The following RGL1 variants were observed in gnomAD, a reference collection of about 807,000 sequenced individuals.
RGL1 encodes the protein ral guanine nucleotide dissociation stimulator-like 1.
In RGL1, 24 loss-of-function variants were observed where a neutral mutation model predicts 95.2. The ratio of observed to expected loss-of-function variants is 0.25; its 90% CI spans 0.18 to 0.35. The LOEUF is 0.35. Ranked by LOEUF, RGL1 falls within the 10% of genes least tolerant of loss-of-function variation. The pLI, the probability that RGL1 is intolerant of heterozygous loss-of-function variation, is 1.00. For missense variants in RGL1, 715 were observed against 936.3 expected (o/e 0.76, Z 3.08); for synonymous variants, 329 against 344.9 (o/e 0.95, Z 0.51).
intron 2 of RGL1, among the ~76,000 whole-genome samples, chr1:183,762,216 T>C (rs1373222748): frequency 1.3e-5 from 2 of 152,268 alleles, no homozygotes; most frequent in Non-Finnish European, 2.9e-5. Flanking sequence ...TTGGCCTGTC[T>C]CAGCTTTTGA....
intron 1 of RGL1, among the ~76,000 whole-genome samples, chr1:183,667,042 C>T (rs6667380): frequency 0.013 from 1,983 of 152,332 alleles, 53 homozygotes; most frequent in African/African-American, 0.046. Context: ...GGCACACACA[C>T]ATTAAGCATT....
At chr1:183,924,270 G>T (rs1669483842) in intron 17 of RGL1, among the ~76,000 whole-genome samples, 1 of 152,140 alleles carries the variant, frequency 6.6e-6, no homozygotes, top group Admixed American at 6.5e-5. Context: ...TATACACCAT[G>T]GAATACTATG....
rs200538237 is a variant in RGL1 at position 183,725,551 on chromosome 1, C to CA, written c.-32-16567dup. On this transcript the variant is annotated intron_variant, in intron 1 of 18. Coordinates refer to the RGL1 transcript ENST00000304685. ...AAGCTGTTTTAGTTATATTAATAGC[C>CA]AAAAAAAATAAGAACTATTACCAGG... 8.3e-3 allele frequency among the ~76,000 whole-genome samples: 1,249 copies of CA among 150,928 alleles called. 17 individuals carry two copies. The highest frequency in any genetic ancestry group is 0.028 in the African/African-American group (1,139 of 41,166).
intron 3 of RGL1, among the ~76,000 whole-genome samples, chr1:183,850,539 A>G (rs1664770754): frequency 6.6e-6 from 1 of 152,220 alleles, no homozygotes; most frequent in Non-Finnish European, 1.5e-5. Context: ...TTAATCTTCA[A>G]GAATACTCAC....
chr1:183,775,768 C>T (rs945713947), intron 2 of RGL1, among the ~76,000 whole-genome samples: 1 of 152,158 alleles, frequency 6.6e-6, no homozygotes, highest in Non-Finnish European at 1.5e-5. Context: ...GATATTATTT[C>T]CGTTTTTCTT....
At chr1:183,787,376 T>G (rs2102369122) in intron 2 of RGL1, among the ~76,000 whole-genome samples, 1 of 152,346 alleles carries the variant, frequency 6.6e-6, no homozygotes, top group Middle Eastern at 3.4e-3. Context: ...CAGCATTCAG[T>G]ACTTCTAAAG....
intron 1 of RGL1, among the ~76,000 whole-genome samples, chr1:183,666,925 C>T (rs1572248697): frequency 6.6e-6 from 1 of 152,084 alleles, no homozygotes; most frequent in East Asian, 1.9e-4. Flanking sequence ...CTGTATCTGC[C>T]CATTCTGATT....
intron 8 of RGL1, 127 bp from the exon 9 acceptor site, chr1:183,891,950 C>G: frequency 1.6e-6 from 1 of 643,268 alleles, no homozygotes. Flanking sequence ...TCTGTGCTTA[C>G]AGTACCCACC....
At chr1:183,802,065 T>C (rs1001936826), upstream of RGL1, among the ~76,000 whole-genome samples, 1 of 152,252 alleles carries the variant, frequency 6.6e-6, no homozygotes, top group South Asian at 2.1e-4. Context: ...TCAGGTCTTA[T>C]GTTTAAGTCT....
Position 183,668,935 on chromosome 1 carries a change from C to CTTTTTTTTTTTT in RGL1, c.-33+32438_-33+32439insTTTTTTTTTTTT, listed in dbSNP as rs551008973. Among the ~76,000 whole-genome samples the CTTTTTTTTTTTT allele has an allele frequency of 4.3e-5, 5 of 115,556 alleles. 2 individuals carry two copies. The highest frequency in any genetic ancestry group is 9.0e-5 in the Non-Finnish European group (5 of 55,460). 75.8% of individuals were successfully genotyped at this position (115,556 alleles called of 152,430 possible). A position where few individuals can be genotyped will look rare whatever the true frequency, so the allele number is the denominator to read the frequency against. On this transcript the variant is annotated intron_variant, in intron 1 of 18. Transcript: ENST00000304685. ...CTTTTTGCTTTTGGTATTGGACTTTCTTTTCTTTTTTTTTTTTTTTGAGAT... is the reference window on the plus strand; with the variant it reads ...CTTTTTGCTTTTGGTATTGGACTTTCTTTTTTTTTTTTTTTTCTTTTTTTTTTTTTTTGAGAT...
upstream of RGL1, among the ~76,000 whole-genome samples, chr1:183,802,148 T>C (rs1489261959): frequency 5.3e-5 from 8 of 152,238 alleles, no homozygotes; most frequent in Non-Finnish European, 8.8e-5. Context: ...ACATGTGATC[T>C]AGTTTTTGTA....
chr1:183,761,050 G>T (rs1658641087), intron 2 of RGL1, among the ~76,000 whole-genome samples: 1 of 152,184 alleles, frequency 6.6e-6, no homozygotes, highest in South Asian at 2.1e-4. Context: ...ATCCATTGAA[G>T]TCTTGCACCC....
chr1:183,727,886 G>A (rs973057194), intron 1 of RGL1, among the ~76,000 whole-genome samples: 4 of 152,190 alleles, frequency 2.6e-5, no homozygotes, highest in South Asian at 4.1e-4. Flanking sequence ...TTAATTTTGT[G>A]TATTAGCTTG....
intron 10 of RGL1, among the ~76,000 whole-genome samples, chr1:183,899,450 G>A (rs1188262377): frequency 6.6e-6 from 1 of 152,208 alleles, no homozygotes; most frequent in East Asian, 1.9e-4. Flanking sequence ...TCCACAGTTT[G>A]AGGTTGTCTG....
intron 1 of RGL1, among the ~76,000 whole-genome samples, chr1:183,685,838 C>A (rs10157789): frequency 0.081 from 12,314 of 152,132 alleles, 915 homozygotes; most frequent in African/African-American, 0.2. Flanking sequence ...ATTGATGAAT[C>A]CAACTGGAAA....
chr1:183,806,321 T>C, intron 1 of RGL1, 54 bp from the exon 2 acceptor site: 2 of 1,398,564 alleles, frequency 1.4e-6, no homozygotes, highest in Non-Finnish European at 2.0e-6. Flanking sequence ...AGATTGTGGT[T>C]AGCAGAGAGG....
intron 1 of RGL1, among the ~76,000 whole-genome samples, chr1:183,649,633 GTC>G (rs1650570308): frequency 6.6e-6 from 1 of 152,166 alleles, no homozygotes; most frequent in South Asian, 2.1e-4. Flanking sequence ...CCGTGAGTGG[GTC>G]TTGTTAGAAG....
intron 2 of RGL1, among the ~76,000 whole-genome samples, chr1:183,786,443 G>A (rs1205361784): frequency 6.6e-6 from 1 of 152,060 alleles, no homozygotes; most frequent in East Asian, 1.9e-4. Context: ...GACCAGAAAT[G>A]TTTCAGATTT....
chr1:183,660,177 A>T (rs1651504183), intron 1 of RGL1, among the ~76,000 whole-genome samples: 1 of 152,226 alleles, frequency 6.6e-6, no homozygotes, highest in Non-Finnish European at 1.5e-5. Flanking sequence ...AGCTAACATC[A>T]TAATGACAGG....
Sources: gnomAD v4.1 joint callset for allele counts (sites outside exome capture counted in the v4.1 genomes callset) on GRCh38, gnomAD v4.1.1 for gene constraint, MANE v1.5 for transcripts, NCBI Gene and HGNC (gene_info 2026-07-23, HGNC 2026-07-21) for gene names.